Variants in TRPC5 observed in about 807,000 individuals in gnomAD.
TRPC5 encodes transient receptor potential cation channel subfamily C member 5.
TRPC5 carries 9 observed loss-of-function variants against 56.5 expected under a neutral mutation model. That is an observed-to-expected ratio of 0.16 (90% confidence interval 0.10 to 0.28). The LOEUF is 0.28. Among genes scored for constraint, TRPC5 ranks in the 10% least tolerant of loss-of-function variants. TRPC5 has a pLI of 1.00. For missense variants in TRPC5, 469 were observed against 748.9 expected (o/e 0.63, Z 4.36); for synonymous variants, 282 against 278.5 (o/e 1.01, Z -0.13).
intron 1 of TRPC5, among the ~76,000 whole-genome samples, chrX:111,979,350 G>T (rs1928017345): frequency 9.0e-6 from 1 of 111,099 alleles, no homozygotes; most frequent in Non-Finnish European, 1.9e-5. Context: ...TATGTGTAAG[G>T]CCTAAAATCA....
intron 1 of TRPC5, among the ~76,000 whole-genome samples, chrX:112,019,726 T>C (rs1929224743): frequency 1.8e-5 from 2 of 112,058 alleles, no homozygotes; most frequent in African/African-American, 6.5e-5. Flanking sequence ...TGAGCCACCG[T>C]GCCTGGCCAA....
chrX:111,955,113 T>C (rs1427438349), intron 1 of TRPC5, among the ~76,000 whole-genome samples: 3 of 112,157 alleles, frequency 2.7e-5, no homozygotes, highest in Non-Finnish European at 5.6e-5. Flanking sequence ...GAGGCAAGTA[T>C]AATCGGATGA....
At chrX:111,957,161 T>C (rs1927258318) in intron 1 of TRPC5, among the ~76,000 whole-genome samples, 1 of 112,093 alleles carries the variant, frequency 8.9e-6, no homozygotes, top group African/African-American at 3.2e-5. Flanking sequence ...AGTGTAATGT[T>C]CAGAAGTGAA....
intron 3 of TRPC5, among the ~76,000 whole-genome samples, chrX:111,859,908 G>T (rs749532298): frequency 2.2e-3 from 247 of 112,289 alleles, no homozygotes; most frequent in African/African-American, 7.5e-3. Flanking sequence ...TAGTTTTTTT[G>T]TTTGTTTGTT....
intron 1 of TRPC5, among the ~76,000 whole-genome samples, chrX:112,077,549 T>C (rs1381176628): frequency 1.8e-5 from 2 of 111,628 alleles, no homozygotes; most frequent in Non-Finnish European, 3.8e-5. Context: ...TCTACATTTA[T>C]AGATAGCTCC....
In TRPC5 at chrX:111,912,489, C is replaced by T. The variant is rs750323233; in HGVS notation, c.702G>A (p.Glu234=). The T allele has an allele frequency of 6.6e-6, 8 of 1,209,697 alleles. No individual in the cohort carries two copies. The Admixed American group carries it at 1.8e-4, about 26-fold the overall frequency. Residue 234 remains glutamate (E), a synonymous_variant, in exon 3 of 11, where the codon GAG becomes GAA. Coordinates refer to ENST00000262839, the MANE Select transcript of TRPC5 (RefSeq NM_012471.3). ...CCTCATACTCGGCCTTGAACTCATT[C>T]TCCACCTTGCTGAGCTCCTTGAGCT... ...GWELKELSKV[E]NEFKAEYEEL...
chrX:111,856,316 G>T (rs866738323), intron 3 of TRPC5, among the ~76,000 whole-genome samples: 3 of 109,989 alleles, frequency 2.7e-5, no homozygotes, highest in Admixed American at 9.7e-5. Flanking sequence ...CCAAGGCGGG[G>T]AGATTGCTTG....
intron 7 of TRPC5, among the ~76,000 whole-genome samples, chrX:111,806,429 G>A (rs909517211): frequency 8.9e-6 from 1 of 111,812 alleles, no homozygotes; most frequent in Non-Finnish European, 1.9e-5. Context: ...AGTTCTTCAT[G>A]GGCTATGCGG....
intron 1 of TRPC5, among the ~76,000 whole-genome samples, chrX:111,967,428 C>T (rs1361479623): frequency 9.0e-6 from 1 of 111,244 alleles, no homozygotes; most frequent in Non-Finnish European, 1.9e-5. Flanking sequence ...AGATTCAATG[C>T]CATCCCCATC....
At chrX:111,947,113 T>C (rs1926951453) in intron 2 of TRPC5, among the ~76,000 whole-genome samples, 2 of 111,427 alleles carry the variant, frequency 1.8e-5, no homozygotes, top group Admixed American at 1.9e-4. Context: ...TTCAGGCCCC[T>C]CCTTTCCAGA....
At chrX:111,906,322 T>G in intron 3 of TRPC5, among the ~76,000 whole-genome samples, 1 of 101,619 alleles carries the variant, frequency 9.8e-6, no homozygotes, top group Admixed American at 1.1e-4. Context: ...GCCACTGCAC[T>G]CCATCCCGGG....
At chrX:112,081,475 A>G (rs1230490730) in intron 1 of TRPC5, among the ~76,000 whole-genome samples, 1 of 111,321 alleles carries the variant, frequency 9.0e-6, no homozygotes, top group African/African-American at 3.3e-5. Flanking sequence ...GACGAAGGGC[A>G]GGTATCCTTG....
intron 4 of TRPC5, 64 bp from the exon 5 acceptor site, chrX:111,852,501 T>G: frequency 9.4e-7 from 1 of 1,062,762 alleles, no homozygotes; most frequent in South Asian, 2.8e-5. Context: ...ATAGAAGGAT[T>G]CCCCCCTCCA....
chrX:111,892,451 G>A (rs931645144), intron 3 of TRPC5, among the ~76,000 whole-genome samples: 12 of 112,172 alleles, frequency 1.1e-4, no homozygotes, highest in African/African-American at 3.6e-4. Context: ...GGCATTCTCT[G>A]TGCAACTGGC....
intron 1 of TRPC5, among the ~76,000 whole-genome samples, chrX:111,986,167 T>C (rs977529074): frequency 9.0e-6 from 1 of 111,370 alleles, no homozygotes; most frequent in Non-Finnish European, 1.9e-5. Context: ...TCTGGCATTT[T>C]CAATTTGCCA....
At chrX:111,882,475 C>T (rs1924271814) in intron 3 of TRPC5, among the ~76,000 whole-genome samples, 1 of 112,425 alleles carries the variant, frequency 8.9e-6, no homozygotes. Context: ...TTGAGGTGAT[C>T]CTTACGAAAG....
chrX:111,912,032 A>G (rs968669589), intron 3 of TRPC5, among the ~76,000 whole-genome samples: 11 of 111,898 alleles, frequency 9.8e-5, no homozygotes, highest in African/African-American at 3.6e-4. Context: ...TGTATCGCAA[A>G]CACTCCGAAC....
chrX:111,805,843 T>C lies in TRPC5; in HGVS notation c.1897-23705A>G, dbSNP rs181215437. Among the ~76,000 whole-genome samples, 629 of 110,289 alleles carry C rather than the reference T, an allele frequency of 5.7e-3. 3 individuals carry two copies. Among genetic ancestry groups the C allele is most frequent in the Non-Finnish European group, 9.5e-3 (502 of 52,867 alleles). On this transcript the variant is annotated intron_variant, in intron 7 of 10. Transcript: ENST00000262839. ...GCATACCACCACACCTGGCTCATTT[T>C]TGTATTTTTTGTAGAGACAGGGTTT...
chrX:112,070,679 C>T (rs111832688), intron 1 of TRPC5, among the ~76,000 whole-genome samples: 2 of 110,931 alleles, frequency 1.8e-5, no homozygotes, highest in African/African-American at 6.6e-5. Flanking sequence ...TTTCTTTCCT[C>T]CTAGATTCTC....
Sources: gnomAD v4.1 joint callset for allele counts (sites outside exome capture counted in the v4.1 genomes callset) on GRCh38, gnomAD v4.1.1 for gene constraint, MANE v1.5 for transcripts, NCBI Gene and HGNC (gene_info 2026-07-23, HGNC 2026-07-21) for gene names.